Variants in EPHA5 observed in about 807,000 individuals in gnomAD.
EPHA5 encodes the protein ephrin type-A receptor 5.
A neutral mutation model predicts 105.0 loss-of-function variants in EPHA5; 60 were observed. The observed-to-expected ratio is 0.57, with a 90% CI of 0.46 to 0.71. The LOEUF (loss-of-function observed/expected upper bound fraction) is 0.71. EPHA5 is among the 30% of genes least tolerant of loss of function. EPHA5 has a pLI of 0.00. For missense variants in EPHA5, 1,218 were observed against 1,274.7 expected (o/e 0.96, Z 0.68); for synonymous variants, 513 against 449.1 (o/e 1.14, Z -1.80).
At chr4:65,559,224 C>T (rs1738767474) in intron 3 of EPHA5, among the ~76,000 whole-genome samples, 1 of 151,702 alleles carries the variant, frequency 6.6e-6, no homozygotes, top group Non-Finnish European at 1.5e-5. Context: ...ATTTATTGTT[C>T]AACAATAATT....
chr4:65,481,411 G>A (rs952007576), intron 5 of EPHA5, among the ~76,000 whole-genome samples: 1 of 152,166 alleles, frequency 6.6e-6, no homozygotes, highest in Non-Finnish European at 1.5e-5. Flanking sequence ...GGATAAATAG[G>A]AGGATTCAGG....
intron 1 of EPHA5, among the ~76,000 whole-genome samples, chr4:65,662,278 AG>A (rs778548858): frequency 3.3e-5 from 5 of 152,218 alleles, no homozygotes; most frequent in Non-Finnish European, 5.9e-5. Context: ...GTTTCCAAGT[AG>A]GAACATGTTC....
intron 5 of EPHA5, among the ~76,000 whole-genome samples, chr4:65,472,858 C>T (rs569827406): frequency 6.6e-6 from 1 of 152,360 alleles, no homozygotes; most frequent in South Asian, 2.1e-4. Context: ...TTGCAATTAA[C>T]ATCGAGTTCC....
chr4:65,662,227 C>T (rs1250450110), intron 1 of EPHA5, among the ~76,000 whole-genome samples: 1 of 152,058 alleles, frequency 6.6e-6, no homozygotes, highest in Admixed American at 6.6e-5. Flanking sequence ...AAAGAACAGA[C>T]TGTATTTTCT....
chr4:65,667,496 C>T (rs999358183), intron 1 of EPHA5, among the ~76,000 whole-genome samples: 4 of 152,138 alleles, frequency 2.6e-5, no homozygotes, highest in African/African-American at 9.7e-5. Flanking sequence ...CAAGCCCCAT[C>T]TCCGTGTAGT....
At chr4:65,494,158 T>A (rs899251594) in intron 4 of EPHA5, among the ~76,000 whole-genome samples, 1 of 152,200 alleles carries the variant, frequency 6.6e-6, no homozygotes, top group African/African-American at 2.4e-5. Context: ...CATGAAATCA[T>A]CAGCTTTGGG....
Position 65,321,999 on chromosome 4 carries a change from T to C in EPHA5, c.*2115A>G, listed in dbSNP as rs2148770720. The C allele has an allele frequency of 4.4e-6, 1 of 225,746 alleles. No homozygotes were observed. The highest frequency in any genetic ancestry group is 1.3e-3 in the Middle Eastern group (1 of 742). 14.0% of individuals were successfully genotyped at this position (225,746 alleles called of 1,614,324 possible). On this transcript the variant is annotated 3_prime_UTR_variant, in exon 17 of 17. Transcript: ENST00000613740. ...ATTTATTTTGTACAAAAGTAATTTG[T>C]TTCATTAATTTCTGTTTATTGAAAT...
At chr4:65,585,619 A>C (rs1219384928) in intron 3 of EPHA5, among the ~76,000 whole-genome samples, 1 of 151,892 alleles carries the variant, frequency 6.6e-6, no homozygotes, top group African/African-American at 2.4e-5. Flanking sequence ...AAGAACACTT[A>C]TTTGGGAAAA....
intron 3 of EPHA5, among the ~76,000 whole-genome samples, chr4:65,563,545 A>T (rs1739236045): frequency 6.6e-6 from 1 of 152,048 alleles, no homozygotes; most frequent in Admixed American, 6.6e-5. Flanking sequence ...TTAAAAATTA[A>T]ATACTTAGTT....
intron 14 of EPHA5, among the ~76,000 whole-genome samples, chr4:65,341,632 C>T (rs1721734521): frequency 1.3e-5 from 2 of 151,038 alleles, no homozygotes; most frequent in South Asian, 4.2e-4. Context: ...ATATATCTCT[C>T]TCTCCAGAAT....
At chr4:65,543,724 T>C (rs980933836) in intron 3 of EPHA5, among the ~76,000 whole-genome samples, 1 of 151,476 alleles carries the variant, frequency 6.6e-6, no homozygotes, top group African/African-American at 2.4e-5. Context: ...TAGAAAAAAA[T>C]CTTAAAAGTC....
intron 5 of EPHA5, among the ~76,000 whole-genome samples, chr4:65,462,979 G>A (rs985515669): frequency 6.6e-6 from 1 of 152,134 alleles, no homozygotes. Context: ...AGAAATTTAT[G>A]ATTAACAAAT....
intron 5 of EPHA5, among the ~76,000 whole-genome samples, chr4:65,465,482 A>G (rs1433174918): frequency 9.3e-6 from 1 of 107,252 alleles, no homozygotes; most frequent in Non-Finnish European, 2.1e-5. Flanking sequence ...AAAGAAAGAA[A>G]GAAAGAAAGA....
chr4:65,523,609 T>C (rs1176489359), intron 3 of EPHA5, among the ~76,000 whole-genome samples: 2 of 151,992 alleles, frequency 1.3e-5, no homozygotes, highest in Non-Finnish European at 2.9e-5. Context: ...AAATCTGATG[T>C]TCTATGGTAT....
chr4:65,565,484 T>A (rs1451362438), intron 3 of EPHA5, among the ~76,000 whole-genome samples: 1 of 151,684 alleles, frequency 6.6e-6, no homozygotes. Context: ...CAATAAGGCT[T>A]AAAGTAATTT....
chr4:65,504,828 T>C (rs1732844217), intron 3 of EPHA5, among the ~76,000 whole-genome samples: 1 of 152,048 alleles, frequency 6.6e-6, no homozygotes, highest in Non-Finnish European at 1.5e-5. Flanking sequence ...TAAATACTTA[T>C]CATAAATAAT....
At chr4:65,352,942 T>G in intron 12 of EPHA5, 100 bp downstream of exon 12, 1 of 665,258 alleles carries the variant, frequency 1.5e-6, no homozygotes, top group Non-Finnish European at 2.4e-6. Flanking sequence ...AGCTTTAAAG[T>G]GGCCCAAATT....
chr4:65,575,479 T>C (rs1271797974), intron 3 of EPHA5, among the ~76,000 whole-genome samples: 5 of 152,214 alleles, frequency 3.3e-5, no homozygotes, highest in Non-Finnish European at 5.9e-5. Flanking sequence ...TGTTTTCTGC[T>C]AACACTCTGC....
intron 14 of EPHA5, among the ~76,000 whole-genome samples, chr4:65,342,913 G>A (rs1675202210): frequency 6.6e-6 from 1 of 151,518 alleles, no homozygotes; most frequent in South Asian, 2.1e-4. Flanking sequence ...TGGGCCAACA[G>A]AAGTAGTAAT....
Sources: gnomAD v4.1 joint callset for allele counts (sites outside exome capture counted in the v4.1 genomes callset) on GRCh38, gnomAD v4.1.1 for gene constraint, MANE v1.5 for transcripts, NCBI Gene and HGNC (gene_info 2026-07-23, HGNC 2026-07-21) for gene names.